Variants in ZBTB7C observed in about 807,000 individuals in gnomAD.
The protein encoded by ZBTB7C is zinc finger and BTB domain containing 7C, also known as zinc finger and BTB domain-containing protein 7C.
In ZBTB7C, 8 loss-of-function variants were observed where a neutral mutation model predicts 25.7. The ratio of observed to expected loss-of-function variants is 0.31; its 90% CI spans 0.18 to 0.56. The LOEUF (loss-of-function observed/expected upper bound fraction) is 0.56, where lower values mean the gene tolerates loss of function less well. ZBTB7C is among the 20% of genes least tolerant of loss of function. The pLI is 0.91. For synonymous variants in ZBTB7C, 394 were observed against 369.0 expected (o/e 1.07, Z -0.78); for missense variants, 824 against 855.2 (o/e 0.96, Z 0.46).
Position 48,065,335 on chromosome 18 carries a change from T to TCTCA in ZBTB7C, c.-16-24213_-16-24212insTGAG, listed in dbSNP as rs1555683856. On this transcript the variant is annotated intron_variant, in intron 3 of 4. Coordinates refer to ENST00000590800, the MANE Select transcript of ZBTB7C (RefSeq NM_001318841.2). ...TTCGCAATGAATCTCTCTCTCTCTC[T>TCTCA]CACACACACACACACACACAAACAC... Among the ~76,000 whole-genome samples, 13 of 150,836 alleles carry TCTCA rather than the reference T, an allele frequency of 8.6e-5. No individual in the cohort carries two copies. The South Asian group carries it at 1.9e-3, about 22-fold the overall frequency.
chr18:48,379,993 T>C (rs941881471), intron 1 of ZBTB7C, among the ~76,000 whole-genome samples: 6 of 152,270 alleles, frequency 3.9e-5, no homozygotes, highest in South Asian at 4.1e-4. Context: ...ACAGTGAATA[T>C]AAGACAGAGA....
At chr18:48,206,924 G>A (rs527382206) in intron 2 of ZBTB7C, among the ~76,000 whole-genome samples, 11 of 152,164 alleles carry the variant, frequency 7.2e-5, no homozygotes, top group Non-Finnish European at 1.2e-4. Flanking sequence ...GAGTAAAAAC[G>A]CAAGCTGTAG....
At chr18:48,356,738 C>T (rs528839061) in intron 1 of ZBTB7C, among the ~76,000 whole-genome samples, 1 of 152,144 alleles carries the variant, frequency 6.6e-6, no homozygotes, top group Non-Finnish European at 1.5e-5. Flanking sequence ...CCATTCTTAT[C>T]GGACAATTCA....
intron 1 of ZBTB7C, among the ~76,000 whole-genome samples, chr18:48,374,590 G>C (rs2047471367): frequency 6.6e-6 from 1 of 152,170 alleles, no homozygotes. Flanking sequence ...TTCCCCAGAA[G>C]CCTCCACTCA....
chr18:48,159,526 T>C (rs940359449), intron 3 of ZBTB7C, among the ~76,000 whole-genome samples: 1 of 152,220 alleles, frequency 6.6e-6, no homozygotes, highest in African/African-American at 2.4e-5. Context: ...CTACAAATCA[T>C]GCCTACACTA....
chr18:48,369,417 A>C (rs1203345386), intron 1 of ZBTB7C, among the ~76,000 whole-genome samples: 3 of 152,160 alleles, frequency 2.0e-5, no homozygotes, highest in Non-Finnish European at 2.9e-5. Flanking sequence ...ATTAAATTGC[A>C]TACTTAAGCC....
At chr18:48,316,878 T>G (rs2045961173) in intron 2 of ZBTB7C, among the ~76,000 whole-genome samples, 1 of 152,232 alleles carries the variant, frequency 6.6e-6, no homozygotes, top group Admixed American at 6.5e-5. Flanking sequence ...TCTCTGGGCC[T>G]CAGTTTCCGA....
intron 3 of ZBTB7C, among the ~76,000 whole-genome samples, chr18:48,133,267 G>A (rs2040042509): frequency 6.6e-6 from 1 of 152,210 alleles, no homozygotes; most frequent in African/African-American, 2.4e-5. Flanking sequence ...GAGGTGCATG[G>A]GTGCGGATGA....
chr18:48,077,874 G>A (rs1210181013), intron 3 of ZBTB7C, among the ~76,000 whole-genome samples: 3 of 151,868 alleles, frequency 2.0e-5, no homozygotes, highest in Admixed American at 6.6e-5. Flanking sequence ...AGCCTCTTTC[G>A]GTCCCTTAGC....
intron 2 of ZBTB7C, among the ~76,000 whole-genome samples, chr18:48,259,329 C>T (rs1166478692): frequency 1.5e-5 from 2 of 129,636 alleles, no homozygotes; most frequent in Non-Finnish European, 3.1e-5. Flanking sequence ...CTTGATGAAA[C>T]AATGAGATAT....
At chr18:48,247,174 G>C (rs148739598) in intron 2 of ZBTB7C, among the ~76,000 whole-genome samples, 1 of 151,984 alleles carries the variant, frequency 6.6e-6, no homozygotes, top group Non-Finnish European at 1.5e-5. Context: ...AAAGAATTCC[G>C]GTTAACAGCA....
intron 2 of ZBTB7C, among the ~76,000 whole-genome samples, chr18:48,253,347 G>T (rs1319693597): frequency 6.6e-6 from 1 of 152,136 alleles, no homozygotes; most frequent in African/African-American, 2.4e-5. Flanking sequence ...AGAGAAACAA[G>T]GACTGGATTT....
At chr18:48,067,827 C>T (rs541575793) in intron 3 of ZBTB7C, among the ~76,000 whole-genome samples, 4 of 152,268 alleles carry the variant, frequency 2.6e-5, no homozygotes, top group African/African-American at 7.2e-5. Context: ...CATGGAGAAA[C>T]CCCGTCTCTA....
chr18:48,317,454 C>G (rs1220091826), intron 2 of ZBTB7C, among the ~76,000 whole-genome samples: 2 of 152,074 alleles, frequency 1.3e-5, no homozygotes, highest in African/African-American at 2.4e-5. Flanking sequence ...ACCCAGCTCC[C>G]TAGGCCAGCC....
intron 1 of ZBTB7C, among the ~76,000 whole-genome samples, chr18:48,395,964 TG>T (rs2048021517): frequency 2.0e-5 from 3 of 152,178 alleles, no homozygotes; most frequent in African/African-American, 4.8e-5. Flanking sequence ...AGGGAGGTGG[TG>T]GAATCTGGTG....
intron 3 of ZBTB7C, among the ~76,000 whole-genome samples, chr18:48,184,677 C>T (rs9961721): frequency 0.44 from 67,155 of 151,774 alleles, 15,103 homozygotes; most frequent in Admixed American, 0.5. Flanking sequence ...GAGCTCCCTG[C>T]GTGAGAAGTG....
At chr18:48,160,123 G>A (rs1319600741) in intron 3 of ZBTB7C, among the ~76,000 whole-genome samples, 1 of 152,230 alleles carries the variant, frequency 6.6e-6, no homozygotes, top group Non-Finnish European at 1.5e-5. Flanking sequence ...GACTGGGCTT[G>A]CTTGAAGTGA....
In ZBTB7C at chr18:48,259,780, T is replaced by C. The variant is rs201610726; in HGVS notation, c.-78-73785A>G. On this transcript the variant is annotated intron_variant, in intron 2 of 4. Transcript: ENST00000590800. ...GAAAAATGTTCTGTGTCATTAGTTA[T>C]AAGGGACATGAAAATCAAAACCACA... 5.3e-5 allele frequency among the ~76,000 whole-genome samples: 8 copies of C among 152,234 alleles called. No homozygotes were observed. In the East Asian group the frequency reaches 5.8e-4, roughly 11 times the overall value.
chr18:48,114,531 G>A (rs1270880941), intron 3 of ZBTB7C, among the ~76,000 whole-genome samples: 2 of 151,984 alleles, frequency 1.3e-5, no homozygotes, highest in Non-Finnish European at 2.9e-5. Context: ...AACCTGGGAG[G>A]TCCAAGTTGC....
Sources: allele counts gnomAD v4.1 joint callset (sites outside exome capture counted in the v4.1 genomes callset), GRCh38; gene constraint gnomAD v4.1.1; transcripts MANE v1.5; gene names NCBI Gene and HGNC (gene_info 2026-07-23, HGNC 2026-07-21).